The following ACKR5 variants were observed in gnomAD, a reference collection of about 807,000 sequenced individuals.
ACKR5 encodes G protein-coupled receptor 182.
the ACKR5 span, chr12:56,998,173 A>G: frequency 3.2e-4 from 48 of 152,236 alleles, no homozygotes; most frequent in Admixed American, 2.9e-3. Flanking sequence ...CAAATTTTAC[A>G]TCTCTGTCAC....
At chr12:56,995,797 G>C in the ACKR5 span, 1 of 1,614,134 alleles carries the variant, frequency 6.2e-7, no homozygotes, top group Non-Finnish European at 8.5e-7. The surrounding 1 kb of genome is among the most constrained non-coding windows in gnomAD (Gnocchi z 4.7). Flanking sequence ...AGCTGGTGGA[G>C]GGCCCTGAGC....
the ACKR5 span, chr12:56,998,216 G>A: frequency 2.0e-5 from 3 of 152,164 alleles, no homozygotes; most frequent in African/African-American, 7.2e-5. Flanking sequence ...ACGCTCCCAA[G>A]ATTAGTTATC....
the ACKR5 span, chr12:56,996,520 T>A: frequency 2.4e-5 from 26 of 1,103,138 alleles, no homozygotes; most frequent in African/African-American, 3.2e-4. Context: ...GTCAAAGCAC[T>A]CGTGGTCAAT....
the ACKR5 span, chr12:56,995,458 C>A: frequency 1.9e-6 from 3 of 1,614,096 alleles, no homozygotes; most frequent in Non-Finnish European, 2.5e-6. The surrounding 1 kb of genome is among the most constrained non-coding windows in gnomAD (Gnocchi z 4.7). Flanking sequence ...GCGGCTCAGG[C>A]CGGGCAGGGC....
the ACKR5 span, chr12:56,996,278 A>G: frequency 6.8e-6 from 11 of 1,614,066 alleles, no homozygotes; most frequent in Non-Finnish European, 9.3e-6. Context: ...CTCCTGTTCC[A>G]CCCAGCATTC....
chr12:56,996,584 G>A, the ACKR5 span: 13 of 645,816 alleles, frequency 2.0e-5, no homozygotes, highest in South Asian at 2.0e-4. Context: ...GATCAGGAGC[G>A]ATAGAGAGCA....
chr12:56,997,296 T>A, the ACKR5 span: 1 of 152,244 alleles, frequency 6.6e-6, no homozygotes, highest in African/African-American at 2.4e-5. Context: ...TATCAAGGGA[T>A]GTCATTCCGG....
At chr12:56,996,144 A>G in the ACKR5 span, 2 of 1,613,912 alleles carry the variant, frequency 1.2e-6, no homozygotes, top group Non-Finnish European at 1.7e-6. Flanking sequence ...TCCATGCTGC[A>G]CTGTGTCATC....
chr12:56,994,758 G>A, the ACKR5 span: 23 of 164,676 alleles, frequency 1.4e-4, no homozygotes, highest in African/African-American at 4.3e-4. Context: ...TGTGGTGTGC[G>A]TGTGTGTGTG....
chr12:56,998,453 G>C, the ACKR5 span: 2 of 152,174 alleles, frequency 1.3e-5, no homozygotes, highest in Non-Finnish European at 2.9e-5. Context: ...CCTCCTCCCT[G>C]TTTCAATCTG....
the ACKR5 span, chr12:56,995,555 G>C: frequency 6.2e-7 from 1 of 1,613,974 alleles, no homozygotes; most frequent in South Asian, 1.1e-5. The surrounding 1 kb of genome is among the most constrained non-coding windows in gnomAD (Gnocchi z 4.7). Flanking sequence ...GGTCACGCTG[G>C]ACTACACCTG....
At chr12:56,995,442 A>G in the ACKR5 span, 1 of 1,614,208 alleles carries the variant, frequency 6.2e-7, no homozygotes, top group East Asian at 2.2e-5. The surrounding 1 kb of genome is among the most constrained non-coding windows in gnomAD (Gnocchi z 4.7). Context: ...ATATGCGTCA[A>G]CTGGCGCGGC....
chr12:56,996,158 C>G, the ACKR5 span: 6 of 1,614,106 alleles, frequency 3.7e-6, no homozygotes, highest in South Asian at 5.5e-5. Flanking sequence ...TGTCATCAAC[C>G]CCATCCTTTA....
At chr12:56,996,091 G>A in the ACKR5 span, 2 of 1,613,436 alleles carry the variant, frequency 1.2e-6, no homozygotes, top group African/African-American at 2.7e-5. Context: ...ACTGCCACCT[G>A]GTCCACCTGC....
At chr12:56,996,305 G>A in the ACKR5 span, 1 of 1,614,182 alleles carries the variant, frequency 6.2e-7, no homozygotes, top group Non-Finnish European at 8.5e-7. Flanking sequence ...CATCACCAAG[G>A]GTGATAGCCA....
the ACKR5 span, chr12:56,996,897 C>T: frequency 0.12 from 18,979 of 156,480 alleles, 1,296 homozygotes; most frequent in African/African-American, 0.18. Flanking sequence ...GACAAGAGGC[C>T]AGAGGCCAAG....
chr12:56,995,710 C>A, the ACKR5 span: 1 of 1,613,824 alleles, frequency 6.2e-7, no homozygotes, highest in East Asian at 2.2e-5. This position sits in a 1 kb window ranked among gnomAD's most constrained non-coding sequence, Gnocchi z 4.7. Context: ...GTTACCAGCA[C>A]CGAGTGCGGC....
At chr12:56,995,389 C>T in the ACKR5 span, 15 of 1,614,108 alleles carry the variant, frequency 9.3e-6, no homozygotes, top group South Asian at 7.7e-5. The surrounding 1 kb of genome is among the most constrained non-coding windows in gnomAD (Gnocchi z 4.7). Context: ...TTGCCCTCTA[C>T]CTGGCCATGT....
At chr12:56,995,253 T>G in the ACKR5 span, 3 of 1,613,492 alleles carry the variant, frequency 1.9e-6, no homozygotes. This position sits in a 1 kb window ranked among gnomAD's most constrained non-coding sequence, Gnocchi z 4.7. Flanking sequence ...TCGGAGGGGG[T>G]CACCGCAGTG....
Sources: gnomAD v4.1 joint callset for allele counts on GRCh38, gnomAD v4.1.1 for gene constraint, Gnocchi (gnomAD v3.1) non-coding constraint, MANE v1.5 for transcripts, NCBI Gene and HGNC (gene_info 2026-07-23, HGNC 2026-07-21) for gene names.